BCKDHB: variants seen among roughly 807,000 people sequenced by gnomAD.
BCKDHB encodes branched chain keto acid dehydrogenase E1 subunit beta.
In BCKDHB, 41 loss-of-function variants were observed where a neutral mutation model predicts 48.5. That is an observed-to-expected ratio of 0.85 (90% CI 0.66 to 1.10). BCKDHB has a LOEUF of 1.10. Ranked by LOEUF, BCKDHB falls within the 50% of genes least tolerant of loss-of-function variation. BCKDHB has a pLI of 0.00. For missense variants in BCKDHB, 496 were observed against 494.2 expected (o/e 1.00, Z -0.03); for synonymous variants, 201 against 174.8 (o/e 1.15, Z -1.18).
At chr6:80,462,173 T>A in the BCKDHB span, among the ~76,000 whole-genome samples, 1 of 152,234 alleles carries the variant, frequency 6.6e-6, no homozygotes, top group African/African-American at 2.4e-5. Context: ...TTAGGAGTTC[T>A]TTCTTGTTAC....
At chr6:80,407,320 G>T in the BCKDHB span, among the ~76,000 whole-genome samples, 2 of 152,172 alleles carry the variant, frequency 1.3e-5, no homozygotes, top group Non-Finnish European at 2.9e-5. Context: ...TTTAGCTTAT[G>T]ATTGTCCTTG....
At chr6:80,401,873 CT>C in the BCKDHB span, among the ~76,000 whole-genome samples, 1 of 151,692 alleles carries the variant, frequency 6.6e-6, no homozygotes, top group Non-Finnish European at 1.5e-5. Flanking sequence ...ACATAATGTT[CT>C]CTAGATCTAT....
At chr6:80,289,886 G>T (rs1766821338) in intron 9 of BCKDHB, among the ~76,000 whole-genome samples, 1 of 152,188 alleles carries the variant, frequency 6.6e-6, no homozygotes, top group Non-Finnish European at 1.5e-5. Flanking sequence ...GGGAGGTGTG[G>T]ACCCCAGCTG....
chr6:80,346,482 C>G (rs1770203808), downstream of BCKDHB, among the ~76,000 whole-genome samples: 1 of 152,136 alleles, frequency 6.6e-6, no homozygotes, highest in African/African-American at 2.4e-5. Context: ...TCATTCTTCC[C>G]TCTTGCCTGA....
At chr6:80,108,939 A>G (rs548136279) in intron 1 of BCKDHB, among the ~76,000 whole-genome samples, 2 of 152,328 alleles carry the variant, frequency 1.3e-5, no homozygotes, top group South Asian at 2.1e-4. Context: ...GTATCCTTAC[A>G]GGTATTTCCT....
At chr6:80,352,240 A>C in the BCKDHB span, among the ~76,000 whole-genome samples, 3 of 151,730 alleles carry the variant, frequency 2.0e-5, no homozygotes, top group Admixed American at 1.3e-4. Flanking sequence ...CTGCGTCCAA[A>C]ATGCTGGGAC....
chr6:80,431,747 C>A, the BCKDHB span, among the ~76,000 whole-genome samples: 1 of 152,284 alleles, frequency 6.6e-6, no homozygotes. Context: ...TTGAATACAG[C>A]ACACTGATGG....
At chr6:80,328,263 A>G (rs1769141974) in intron 9 of BCKDHB, among the ~76,000 whole-genome samples, 1 of 152,114 alleles carries the variant, frequency 6.6e-6, no homozygotes, top group African/African-American at 2.4e-5. Flanking sequence ...CAGGAAGGGC[A>G]TTTACTCTTT....
chr6:80,448,298 C>T, the BCKDHB span, among the ~76,000 whole-genome samples: 294 of 152,274 alleles, frequency 1.9e-3, no homozygotes, highest in Middle Eastern at 6.8e-3. Context: ...ATCTTATAAA[C>T]CAGAGATAGG....
At chr6:80,437,318 C>T in the BCKDHB span, among the ~76,000 whole-genome samples, 1 of 152,194 alleles carries the variant, frequency 6.6e-6, no homozygotes, top group Non-Finnish European at 1.5e-5. Flanking sequence ...TATCATTCAT[C>T]TTAAGATTAC....
chr6:80,210,135 C>CA (rs61476553), intron 8 of BCKDHB, among the ~76,000 whole-genome samples: 6,979 of 112,890 alleles, frequency 0.062, 268 homozygotes, highest in Non-Finnish European at 0.093. Flanking sequence ...AAGAAATATA[C>CA]AAAAAAAAAA....
chr6:80,140,538 C>T (rs983852241), intron 3 of BCKDHB, among the ~76,000 whole-genome samples: 2 of 151,992 alleles, frequency 1.3e-5, no homozygotes, highest in African/African-American at 4.8e-5. Flanking sequence ...TGTCAAAGGC[C>T]TTTTCTGCAT....
chr6:80,343,178 A>T (rs1332937097), intron 9 of BCKDHB, among the ~76,000 whole-genome samples: 1 of 152,220 alleles, frequency 6.6e-6, no homozygotes, highest in Non-Finnish European at 1.5e-5. Flanking sequence ...ACTATGAGAG[A>T]GATGAGAACA....
chr6:80,326,276 A>G (rs1382676746), intron 9 of BCKDHB, among the ~76,000 whole-genome samples: 1 of 152,160 alleles, frequency 6.6e-6, no homozygotes. Flanking sequence ...CAGAGCCTGA[A>G]TGCTACTGTT....
chr6:80,394,689 C>T, the BCKDHB span, among the ~76,000 whole-genome samples: 1 of 152,176 alleles, frequency 6.6e-6, no homozygotes, highest in African/African-American at 2.4e-5. Context: ...GGAGGATTTC[C>T]AGCTGTCAGT....
chr6:80,253,627 A>G (rs1485188101), intron 8 of BCKDHB, among the ~76,000 whole-genome samples: 1 of 152,202 alleles, frequency 6.6e-6, no homozygotes, highest in Non-Finnish European at 1.5e-5. Context: ...TAGGGAAAAA[A>G]GCAACATATC....
chr6:80,353,723 C>T, the BCKDHB span, among the ~76,000 whole-genome samples: 6 of 151,978 alleles, frequency 3.9e-5, no homozygotes, highest in African/African-American at 9.7e-5. Flanking sequence ...TGTGGTGACA[C>T]GTGCCTGTAG....
upstream of BCKDHB, chr6:80,106,653 C>A (rs763746493): frequency 1.2e-5 from 18 of 1,540,238 alleles, no homozygotes; most frequent in South Asian, 3.6e-5. Context: ...CCGCAGGCGG[C>A]GTGCGGCTGC....
chr6:80,404,761 T>C, the BCKDHB span, among the ~76,000 whole-genome samples: 1 of 152,196 alleles, frequency 6.6e-6, no homozygotes, highest in South Asian at 2.1e-4. Flanking sequence ...TGTGTTGCCA[T>C]TTTTATTTGT....
Sources: allele counts gnomAD v4.1 joint callset (sites outside exome capture counted in the v4.1 genomes callset), GRCh38; gene constraint gnomAD v4.1.1; transcripts MANE v1.5; gene names NCBI Gene and HGNC (gene_info 2026-07-23, HGNC 2026-07-21).